The following NKAIN3 variants were observed in gnomAD, a reference collection of about 807,000 sequenced individuals.
The protein encoded by NKAIN3 is sodium/potassium-transporting ATPase subunit beta-1-interacting protein 3.
In NKAIN3, 25 loss-of-function variants were observed where a neutral mutation model predicts 30.2. The observed-to-expected ratio is 0.83, with a 90% confidence interval of 0.60 to 1.16. The LOEUF is 1.16. Ranked by LOEUF, NKAIN3 falls within the 50% of genes most tolerant of loss-of-function variation. The pLI, the probability that NKAIN3 is intolerant of heterozygous loss-of-function variation, is 0.00. For synonymous variants in NKAIN3, 91 were observed against 89.6 expected (o/e 1.02, Z -0.09); for missense variants, 225 against 254.1 (o/e 0.89, Z 0.78).
chr8:62,257,100 G>A (rs1286166772), intron 1 of NKAIN3, among the ~76,000 whole-genome samples: 1 of 152,044 alleles, frequency 6.6e-6, no homozygotes, highest in African/African-American at 2.4e-5. Context: ...TTTGTGGCAA[G>A]ACATTTGAAA....
intron 1 of NKAIN3, chr8:62,483,808 C>T: frequency 4.4e-6 from 1 of 225,444 alleles, no homozygotes; most frequent in South Asian, 6.4e-5. Flanking sequence ...TTGGCTGCCC[C>T]CTTTCCCTAG....
At chr8:62,455,078 T>C (rs1805771331) in intron 1 of NKAIN3, among the ~76,000 whole-genome samples, 1 of 152,096 alleles carries the variant, frequency 6.6e-6, no homozygotes, top group Non-Finnish European at 1.5e-5. Flanking sequence ...GAAAGATGAG[T>C]CCTGTGTCTT....
At chr8:62,487,909 G>C (rs1806951299) in intron 1 of NKAIN3, among the ~76,000 whole-genome samples, 1 of 152,176 alleles carries the variant, frequency 6.6e-6, no homozygotes, top group Non-Finnish European at 1.5e-5. Context: ...GAGTAAATCT[G>C]CTGAGGAGTC....
intron 1 of NKAIN3, among the ~76,000 whole-genome samples, chr8:62,450,338 G>T (rs10109256): frequency 0.26 from 39,587 of 151,906 alleles, 5,281 homozygotes; most frequent in Middle Eastern, 0.4. Flanking sequence ...AAAAAGTATG[G>T]TTTTCTCAAA....
chr8:62,660,606 A>T (rs1480187), intron 3 of NKAIN3, among the ~76,000 whole-genome samples: 5,726 of 152,300 alleles, frequency 0.038, 367 homozygotes, highest in African/African-American at 0.13. Flanking sequence ...TAGGACAGAC[A>T]GTACACCACT....
chr8:62,343,751 C>T (rs942012160), intron 1 of NKAIN3, among the ~76,000 whole-genome samples: 3 of 151,892 alleles, frequency 2.0e-5, no homozygotes, highest in Non-Finnish European at 4.4e-5. Flanking sequence ...TTTGAGGCTA[C>T]AGTAAGCTCT....
At chr8:62,322,161 G>T (rs1814946674) in intron 1 of NKAIN3, among the ~76,000 whole-genome samples, 1 of 152,186 alleles carries the variant, frequency 6.6e-6, no homozygotes, top group Non-Finnish European at 1.5e-5. Context: ...TATGCTGTTT[G>T]CTAAGACCAT....
At chr8:62,401,989 C>G (rs182152942) in intron 1 of NKAIN3, among the ~76,000 whole-genome samples, 194 of 152,312 alleles carry the variant, frequency 1.3e-3, no homozygotes, top group African/African-American at 4.6e-3. Context: ...CCAGGCTTTT[C>G]TCTCAACCTT....
intron 3 of NKAIN3, among the ~76,000 whole-genome samples, chr8:62,692,050 A>C (rs1255236004): frequency 6.6e-6 from 1 of 152,164 alleles, no homozygotes; most frequent in Non-Finnish European, 1.5e-5. Flanking sequence ...TTCTCGGCAT[A>C]ATCTTCCAGC....
At chr8:62,782,042 ACAGGGTATTAATATC>A (rs1171358129) in intron 4 of NKAIN3, among the ~76,000 whole-genome samples, 4 of 152,068 alleles carry the variant, frequency 2.6e-5, no homozygotes, top group African/African-American at 9.7e-5. Flanking sequence ...TACTTATTCA[ACAGGGTATTAATATC>A]CAGAATATAC....
At chr8:62,908,103 A>G (rs1228518082) in intron 4 of NKAIN3, among the ~76,000 whole-genome samples, 3 of 152,186 alleles carry the variant, frequency 2.0e-5, no homozygotes, top group African/African-American at 4.8e-5. Context: ...CCTCCCTTGC[A>G]TCAGTGTGAC....
At chr8:62,631,653 C>G (rs16929312) in intron 3 of NKAIN3, among the ~76,000 whole-genome samples, 14,212 of 152,184 alleles carry the variant, frequency 0.093, 884 homozygotes, top group East Asian at 0.26. Context: ...CTGTTCCAAA[C>G]TTATGTTAGC....
At chr8:62,638,206 A>T (rs999179878) in intron 3 of NKAIN3, among the ~76,000 whole-genome samples, 1 of 152,188 alleles carries the variant, frequency 6.6e-6, no homozygotes, top group Non-Finnish European at 1.5e-5. Flanking sequence ...ACAAAAAATT[A>T]AGCAGTGATG....
At chr8:62,331,219 A>G (rs966489610) in intron 1 of NKAIN3, among the ~76,000 whole-genome samples, 2 of 146,286 alleles carry the variant, frequency 1.4e-5, no homozygotes, top group Admixed American at 1.4e-4. Context: ...GTACATTTAA[A>G]CCCTTTCTTT....
intron 4 of NKAIN3, among the ~76,000 whole-genome samples, chr8:62,910,729 G>A (rs1563623680): frequency 6.7e-6 from 1 of 149,556 alleles, no homozygotes; most frequent in Non-Finnish European, 1.5e-5. Flanking sequence ...TTAGTTTCAG[G>A]TCAAGATTCT....
chr8:62,697,612 A>G (rs1487422844), intron 3 of NKAIN3, among the ~76,000 whole-genome samples: 1 of 152,010 alleles, frequency 6.6e-6, no homozygotes, highest in East Asian at 1.9e-4. Context: ...AACATCTAGA[A>G]TCTCCCAACT....
chr8:62,961,600 A>G (rs1371290081), intron 6 of NKAIN3, among the ~76,000 whole-genome samples: 2 of 152,230 alleles, frequency 1.3e-5, no homozygotes, highest in African/African-American at 2.4e-5. Context: ...TTTTTAAAAC[A>G]GAACTAGATT....
chr8:62,566,663 GC>G (rs1244922277), intron 1 of NKAIN3, among the ~76,000 whole-genome samples: 1 of 151,908 alleles, frequency 6.6e-6, no homozygotes, highest in Non-Finnish European at 1.5e-5. Flanking sequence ...CATAATCCCT[GC>G]CACCACAAAA....
At chr8:62,403,469 C>T (rs1333770430) in intron 1 of NKAIN3, among the ~76,000 whole-genome samples, 1 of 152,162 alleles carries the variant, frequency 6.6e-6, no homozygotes, top group Non-Finnish European at 1.5e-5. Flanking sequence ...ATCCAGGGCT[C>T]CCCTGCTGTT....
Sources: allele counts gnomAD v4.1 joint callset (sites outside exome capture counted in the v4.1 genomes callset), GRCh38; gene constraint gnomAD v4.1.1; transcripts MANE v1.5; gene names NCBI Gene and HGNC (gene_info 2026-07-23, HGNC 2026-07-21).